The following ANK2 variants were observed in gnomAD, a reference collection of about 807,000 sequenced individuals.
ANK2 encodes the protein ankyrin-2.
ANK2 carries 83 observed loss-of-function variants against 360.5 expected under a neutral mutation model. The observed-to-expected ratio is 0.23, with a 90% CI of 0.19 to 0.28. ANK2 has a LOEUF of 0.28. ANK2 is among the 10% of genes least tolerant of loss of function. The pLI, the probability that ANK2 is intolerant of heterozygous loss-of-function variation, is 1.00. For synonymous variants in ANK2, 1,740 were observed against 1,759.5 expected, an observed-to-expected ratio of 0.99 and a Z score of 0.28; for missense variants, 4,201 against 4,795.7, an observed-to-expected ratio of 0.88 and a Z score of 3.66.
intron 1 of ANK2, among the ~76,000 whole-genome samples, chr4:112,821,235 G>C (rs2056937068): frequency 6.6e-6 from 1 of 151,932 alleles, no homozygotes; most frequent in Non-Finnish European, 1.5e-5. Flanking sequence ...TTTTTGTAGA[G>C]ATGGAGTCTT....
Position 113,373,369 on chromosome 4 carries a change from C to A in ANK2, c.11779C>A (p.Pro3927Thr), listed in dbSNP as rs2154074826. ...TATGGTGCAGGGAATGCCACAGGAA[C>A]CTGTCAACATCGAGGAAGGGGATGG... Reference protein sequence around the residue: ...EIMVQGMPQEPVNIEEGDGYS... With the variant: ...EIMVQGMPQETVNIEEGDGYS... The change falls in exon 45 of 46, where the codon CCT (proline) becomes ACT (threonine). Residue 3927 changes from proline (P) to threonine (T), a missense_variant. Around this residue, in one of 4 missense-constraint regions of ANK2, gnomAD observed 2,642 missense variants for 2,714.5 expected, o/e 0.97. Coordinates refer to ENST00000357077, the MANE Select transcript of ANK2 (RefSeq NM_001148.6). The A allele has an allele frequency of 1.2e-6, 2 of 1,614,116 alleles. No homozygotes were observed. The highest frequency in any genetic ancestry group is 1.7e-6 in the Non-Finnish European group (2 of 1,179,988).
At chr4:113,178,042 A>G (rs1448455382) in intron 2 of ANK2, among the ~76,000 whole-genome samples, 1 of 152,182 alleles carries the variant, frequency 6.6e-6, no homozygotes, top group Non-Finnish European at 1.5e-5. Context: ...ACTTACACTC[A>G]AAATATGAGG....
chr4:112,854,122 T>A (rs925651555), intron 1 of ANK2, among the ~76,000 whole-genome samples: 1 of 152,016 alleles, frequency 6.6e-6, no homozygotes, highest in Non-Finnish European at 1.5e-5. Flanking sequence ...AGGGAAGAAG[T>A]GGGCACTTCT....
intron 10 of ANK2, among the ~76,000 whole-genome samples, chr4:113,251,863 AT>A (rs2046646847): frequency 6.6e-6 from 1 of 152,064 alleles, no homozygotes; most frequent in Admixed American, 6.6e-5. Context: ...AAAAATAGAG[AT>A]ATGTATAGGG....
chr4:112,904,984 C>A (rs908606833), intron 2 of ANK2, among the ~76,000 whole-genome samples: 21 of 152,132 alleles, frequency 1.4e-4, no homozygotes, highest in Admixed American at 2.6e-4. Flanking sequence ...AGATTGCATC[C>A]ATGTGGAGAA....
At chr4:113,207,425 A>G (rs1456319313) in intron 4 of ANK2, among the ~76,000 whole-genome samples, 1 of 152,188 alleles carries the variant, frequency 6.6e-6, no homozygotes, top group African/African-American at 2.4e-5. Flanking sequence ...TAAGACTTGT[A>G]GGGAGAAAAG....
Position 113,292,820 on chromosome 4 carries a change from C to T in ANK2, c.2376+306C>T, listed in dbSNP as rs180882196. ...CTCTCAGATGTGAGCACAAATTGACCCCCCCTCGCCTTCTTAAGGGAGCAC... is the reference window on the plus strand; with the variant it reads ...CTCTCAGATGTGAGCACAAATTGACTCCCCCTCGCCTTCTTAAGGGAGCAC... On this transcript the variant is annotated intron_variant, in intron 21 of 45. Coordinates refer to ENST00000357077, the MANE Select transcript of ANK2 (RefSeq NM_001148.6). Among the ~76,000 whole-genome samples the T allele has an allele frequency of 2.9e-3, 444 of 152,204 alleles. 2 individuals are homozygous for T. Among genetic ancestry groups the T allele is most frequent in the Non-Finnish European group, 4.4e-3 (300 of 68,016 alleles).
At chr4:112,928,066 A>G (rs1230082900) in intron 2 of ANK2, among the ~76,000 whole-genome samples, 1 of 152,228 alleles carries the variant, frequency 6.6e-6, no homozygotes, top group Non-Finnish European at 1.5e-5. Flanking sequence ...CACTTTTGGA[A>G]TATGTCATAA....
rs894918915 is a variant in ANK2 at position 113,151,250 on chromosome 4, G to A, written c.85-23166G>A. On this transcript the variant is annotated intron_variant, in intron 1 of 45. Coordinates refer to ENST00000357077, the MANE Select transcript of ANK2 (RefSeq NM_001148.6). ...GCAATTGCACACATTACTTGTTGTC[G>A]TAGTTCATTTGTGTAGCTACAAAAG... 105 of 744,036 alleles carry A rather than the reference G, an allele frequency of 1.4e-4. 1 individual carries two copies. The highest frequency in any genetic ancestry group is 1.7e-4 in the Non-Finnish European group (91 of 531,976). The allele number at this position is 744,036 out of a possible 1,614,324, so 46.1% of individuals were successfully genotyped here.
At chr4:113,295,831 C>G (rs1400013968) in intron 22 of ANK2, among the ~76,000 whole-genome samples, 1 of 152,060 alleles carries the variant, frequency 6.6e-6, no homozygotes, top group Non-Finnish European at 1.5e-5. Context: ...GTCTGCTGCT[C>G]TTTGAACTGG....
upstream of ANK2, among the ~76,000 whole-genome samples, chr4:112,816,780 G>T (rs1253248551): frequency 6.6e-6 from 1 of 152,248 alleles, no homozygotes; most frequent in African/African-American, 2.4e-5. Context: ...GGAAGCCGAG[G>T]CAGGTGGATC....
chr4:112,973,318 A>G (rs2040241974), intron 2 of ANK2, among the ~76,000 whole-genome samples: 1 of 152,206 alleles, frequency 6.6e-6, no homozygotes, highest in African/African-American at 2.4e-5. Context: ...TCTAGCAAAT[A>G]GGCGTGGCAG....
At chr4:113,272,019 A>T (rs969466973) in intron 14 of ANK2, among the ~76,000 whole-genome samples, 2 of 152,200 alleles carry the variant, frequency 1.3e-5, no homozygotes, top group East Asian at 3.8e-4. Flanking sequence ...TGCTTTAGGG[A>T]TCGAGCAATC....
chr4:113,103,681 G>T (rs555799190), intron 1 of ANK2, among the ~76,000 whole-genome samples: 3 of 152,104 alleles, frequency 2.0e-5, no homozygotes, highest in African/African-American at 7.2e-5. Context: ...AATATTATTT[G>T]TGCTTTTAAT....
chr4:112,991,598 T>C (rs1376061428), intron 2 of ANK2, among the ~76,000 whole-genome samples: 1 of 144,726 alleles, frequency 6.9e-6, no homozygotes, highest in Non-Finnish European at 1.5e-5. Context: ...AGCTTTTTTT[T>C]TTCTTTTCTT....
chr4:113,307,314 G>A (rs1228275904), intron 23 of ANK2, among the ~76,000 whole-genome samples: 1 of 151,900 alleles, frequency 6.6e-6, no homozygotes, highest in Non-Finnish European at 1.5e-5. Flanking sequence ...TGTCTCAGCA[G>A]GAATAATGCT....
intron 1 of ANK2, among the ~76,000 whole-genome samples, chr4:113,082,980 A>G (rs2083011485): frequency 6.6e-6 from 1 of 152,204 alleles, no homozygotes; most frequent in Non-Finnish European, 1.5e-5. Context: ...CTGGGCAAGC[A>G]GTCTGAGTTA....
chr4:113,357,413 C>T lies in ANK2; in HGVS notation c.8795C>T (p.Pro2932Leu). The T allele has an allele frequency of 1.2e-6, 2 of 1,614,020 alleles. No homozygotes were observed. The highest frequency in any genetic ancestry group is 2.2e-5 in the South Asian group (2 of 91,076). The change falls in exon 38 of 46, where the codon CCT becomes CTT. Residue 2932 changes from proline (P) to leucine (L), a missense_variant. This residue lies in a region of ANK2 where 2,642 missense variants were observed against 2,714.5 expected (regional missense o/e 0.97). Coordinates refer to ENST00000357077, the MANE Select transcript of ANK2 (RefSeq NM_001148.6). ...ATCACTAGCCCTTATGAAAATGTCC[C>T]TTCCCAATCTTTTTTCTCTAGTGAA... ...PQITSPYENV[P>L]SQSFFSSEES...
rs1055884739 is a variant in ANK2 at position 113,309,494 on chromosome 4, G to GT, written c.2549-1754dup. 3.7e-4 allele frequency among the ~76,000 whole-genome samples: 57 copies of GT among 152,072 alleles called. 1 individual carries two copies. Among genetic ancestry groups the GT allele is most frequent in the African/African-American group, 1.2e-3 (51 of 41,410 alleles). ...TAGGAACTCAGCGTAATCAGAGGTG[G>GT]TTTTTTTGTTTGTTTGTTTGCTTGT... is the stretch of plus-strand genomic sequence containing the variant. On this transcript the variant is annotated intron_variant, in intron 23 of 45. Coordinates refer to ENST00000357077, the MANE Select transcript of ANK2 (RefSeq NM_001148.6).
Sources: gnomAD v4.1 joint callset for allele counts (sites outside exome capture counted in the v4.1 genomes callset) on GRCh38, gnomAD v4.1.1 for gene constraint, gnomAD v4.1.1 regional missense constraint, MANE v1.5 for transcripts, NCBI Gene and HGNC (gene_info 2026-07-23, HGNC 2026-07-21) for gene names.